The following CIP2A variants were observed in gnomAD, a reference collection of about 807,000 sequenced individuals.
CIP2A encodes protein CIP2A.
Under a neutral mutation model 110.9 loss-of-function variants are expected in CIP2A, and 103 were observed. The observed-to-expected ratio is 0.93, with a 90% CI of 0.79 to 1.09. The LOEUF is 1.09. CIP2A is among the 50% of genes least tolerant of loss of function. The pLI is 0.00. For synonymous variants in CIP2A, 381 were observed against 361.6 expected, an observed-to-expected ratio of 1.05 and a Z score of -0.61; for missense variants, 1,088 against 1,038.4, an observed-to-expected ratio of 1.05 and a Z score of -0.66.
At chr3:108,558,589 C>T (rs1238137960) in intron 16 of CIP2A, among the ~76,000 whole-genome samples, 2 of 152,038 alleles carry the variant, frequency 1.3e-5, no homozygotes, top group African/African-American at 2.4e-5. Context: ...AGAATTTCCA[C>T]GTGGTTTGAA....
Position 108,569,454 on chromosome 3 carries a change from G to T in CIP2A, c.1048C>A (p.Gln350Lys), listed in dbSNP as rs1938309585. The change falls in exon 9 of 21, where the codon CAA becomes AAA. Residue 350 changes from glutamine to lysine, a missense_variant. Physicochemically the swap from Gln to Lys is moderately conservative, Grantham distance 53. Coordinates refer to ENST00000295746, the MANE Select transcript of CIP2A (RefSeq NM_020890.3). Reference sequence around the variant, plus strand: ...CAGTTTTCTGATCCGTCCAAAGGTTGGCTTAACCAGCGCAGTAGAGCCACA... The same window carrying T: ...CAGTTTTCTGATCCGTCCAAAGGTTTGCTTAACCAGCGCAGTAGAGCCACA... ...PTVALLRWLS[Q>K]PLDGSENCSV... 6.2e-7 allele frequency: 1 copy of T among 1,612,588 alleles called. No individual in the cohort carries two copies. The highest frequency in any genetic ancestry group is 8.5e-7 in the Non-Finnish European group (1 of 1,179,284).
At chr3:108,564,172 C>G (rs539559183) in intron 12 of CIP2A, among the ~76,000 whole-genome samples, 8 of 151,946 alleles carry the variant, frequency 5.3e-5, no homozygotes, top group African/African-American at 9.6e-5. Flanking sequence ...TCTCCAAAAC[C>G]CTCAATGGTA....
chr3:108,584,020 A>C (rs1404423657), intron 2 of CIP2A, among the ~76,000 whole-genome samples: 1 of 152,206 alleles, frequency 6.6e-6, no homozygotes, highest in Non-Finnish European at 1.5e-5. Flanking sequence ...TGGATGTTAG[A>C]AGTGGAAGAA....
rs1349079799 is a variant in CIP2A at position 108,559,812 on chromosome 3, T to A, written c.1958A>T (p.Gln653Leu). 2 of 1,605,884 alleles carry A rather than the reference T, an allele frequency of 1.2e-6. No homozygotes were observed. Among genetic ancestry groups the A allele is most frequent in the Admixed American group, 1.7e-5 (1 of 59,842 alleles). Residue 653 changes from glutamine to leucine, a missense_variant, in exon 16 of 21, where the codon CAG (glutamine) becomes CTG (leucine). Transcript: ENST00000295746. ...LLETKALALAQADRLIAQHRC... is the reference protein window; with the variant it reads ...LLETKALALALADRLIAQHRC... ...ATGCTGAGCAATCAGTCTATCAGCCTGTGCAAGGGCTAGAGCTTTTGTTTC... is the reference window on the plus strand; with the variant it reads ...ATGCTGAGCAATCAGTCTATCAGCCAGTGCAAGGGCTAGAGCTTTTGTTTC...
chr3:108,574,076 A>G (rs528978471), intron 8 of CIP2A, among the ~76,000 whole-genome samples: 4 of 152,298 alleles, frequency 2.6e-5, no homozygotes, highest in East Asian at 3.9e-4. Flanking sequence ...AGGCACCATT[A>G]GGTGAGTAAA....
intron 7 of CIP2A, among the ~76,000 whole-genome samples, chr3:108,577,451 CTAAG>C (rs1255681499): frequency 1.3e-5 from 2 of 151,868 alleles, no homozygotes; most frequent in African/African-American, 4.9e-5. Flanking sequence ...CTGGATGAAA[CTAAG>C]TAAGAATTTG....
chr3:108,564,741 A>G (rs895695881), intron 12 of CIP2A, among the ~76,000 whole-genome samples: 4 of 151,912 alleles, frequency 2.6e-5, no homozygotes, highest in Admixed American at 1.3e-4. Flanking sequence ...CTATAAAGTC[A>G]ACCTTCTCTG....
intron 8 of CIP2A, among the ~76,000 whole-genome samples, chr3:108,570,314 T>A (rs1938344622): frequency 6.6e-6 from 1 of 152,164 alleles, no homozygotes; most frequent in Non-Finnish European, 1.5e-5. Context: ...GGATTTGTGT[T>A]TTAATCAACT....
chr3:108,587,774 GTCTC>G (rs1225901003), intron 1 of CIP2A, among the ~76,000 whole-genome samples: 1 of 152,018 alleles, frequency 6.6e-6, no homozygotes, highest in Non-Finnish European at 1.5e-5. Context: ...TTTTGTTTAA[GTCTC>G]TCTTTTTTTT....
chr3:108,575,310 A>G (rs1024924453), intron 8 of CIP2A, among the ~76,000 whole-genome samples: 6 of 147,018 alleles, frequency 4.1e-5, no homozygotes, highest in African/African-American at 8.1e-5. Context: ...GTACGTACAC[A>G]CACGTGCATG....
intron 8 of CIP2A, among the ~76,000 whole-genome samples, chr3:108,570,083 C>A (rs1938332719): frequency 6.6e-6 from 1 of 152,002 alleles, no homozygotes; most frequent in South Asian, 2.1e-4. Context: ...GGCATTATGA[C>A]CCTTAGCTCT....
chr3:108,577,885 C>T (rs367868780), intron 7 of CIP2A, among the ~76,000 whole-genome samples: 8 of 151,958 alleles, frequency 5.3e-5, no homozygotes, highest in South Asian at 4.2e-4. Context: ...GGCAATAGAG[C>T]GAGACTCTGT....
intron 9 of CIP2A, 121 bp downstream of exon 9, chr3:108,569,268 A>T (rs1938302770): frequency 4.2e-6 from 3 of 722,102 alleles, no homozygotes; most frequent in Non-Finnish European, 7.1e-6. Flanking sequence ...TATGACTGTT[A>T]GTAATTGAGA....
At chr3:108,564,379 T>C (rs1390341224) in intron 12 of CIP2A, among the ~76,000 whole-genome samples, 4 of 152,018 alleles carry the variant, frequency 2.6e-5, no homozygotes, top group African/African-American at 9.6e-5. Context: ...GATGTCTCTG[T>C]TAAGCTACTG....
chr3:108,554,942 T>C (rs1490737715), intron 17 of CIP2A, among the ~76,000 whole-genome samples: 2 of 152,190 alleles, frequency 1.3e-5, no homozygotes, highest in Non-Finnish European at 2.9e-5. Flanking sequence ...TCTTTTTTAT[T>C]TCACTAAGCA....
At chr3:108,553,308 T>C (rs961408201) in intron 19 of CIP2A, among the ~76,000 whole-genome samples, 1 of 151,692 alleles carries the variant, frequency 6.6e-6, no homozygotes, top group East Asian at 1.9e-4. Context: ...TTGTATTTTT[T>C]GTAGAGATGG....
In CIP2A at chr3:108,560,370, G is replaced by A. The variant is rs1397665157; in HGVS notation, c.1827+279C>T. On this transcript the variant is annotated intron_variant, in intron 14 of 20. Coordinates refer to ENST00000295746, the MANE Select transcript of CIP2A (RefSeq NM_020890.3). ...GTATTTTTAATAGAGACGGGGTTTC[G>A]CCATATTGCCCAAGCTGGTCTTGAA... 2.6e-5 allele frequency among the ~76,000 whole-genome samples: 4 copies of A among 151,900 alleles called. No individual in the cohort carries two copies. Among genetic ancestry groups the A allele is most frequent in the African/African-American group, 7.3e-5 (3 of 41,368 alleles).
At chr3:108,588,095 C>G (rs1306253893) in intron 1 of CIP2A, among the ~76,000 whole-genome samples, 4 of 152,104 alleles carry the variant, frequency 2.6e-5, no homozygotes, top group Non-Finnish European at 4.4e-5. Flanking sequence ...CAGTGCACAA[C>G]CTTCCTGTTT....
chr3:108,558,267 T>TG (rs1004675393), intron 16 of CIP2A, among the ~76,000 whole-genome samples: 1 of 151,890 alleles, frequency 6.6e-6, no homozygotes, highest in Non-Finnish European at 1.5e-5. Context: ...GAAAGAAATA[T>TG]GGGGGAAAAA....
Sources: gnomAD v4.1 joint callset for allele counts (sites outside exome capture counted in the v4.1 genomes callset) on GRCh38, gnomAD v4.1.1 for gene constraint, MANE v1.5 for transcripts, NCBI Gene and HGNC (gene_info 2026-07-23, HGNC 2026-07-21) for gene names.